Variants in THAP6 observed in about 807,000 individuals in gnomAD.
THAP6 encodes THAP domain-containing protein 6.
Under a neutral mutation model 20.0 loss-of-function variants are expected in THAP6, and 13 were observed. The observed-to-expected ratio is 0.65, with a 90% CI of 0.42 to 1.03. The LOEUF is 1.03. THAP6 is among the 50% of genes least tolerant of loss of function. The pLI, the probability that THAP6 is intolerant of heterozygous loss-of-function variation, is 0.00. For synonymous variants in THAP6, 93 were observed against 92.2 expected (o/e 1.01, Z -0.05); for missense variants, 262 against 261.6 (o/e 1.00, Z -0.01).
intron 2 of THAP6, chr4:75,542,382 C>T (rs1022003797): frequency 1.4e-5 from 10 of 699,722 alleles, no homozygotes; most frequent in African/African-American, 5.3e-5. Flanking sequence ...CATAAATCCT[C>T]GTATTTCTGC....
intron 4 of THAP6, among the ~76,000 whole-genome samples, chr4:75,525,018 T>G (rs1726277606): frequency 6.6e-6 from 1 of 152,124 alleles, no homozygotes; most frequent in Admixed American, 6.5e-5. Flanking sequence ...TCGGCCTCCC[T>G]AAGTGCTGGG....
At chr4:75,541,955 CAA>C (rs61213735) in intron 2 of THAP6, among the ~76,000 whole-genome samples, 86 of 102,274 alleles carry the variant, frequency 8.4e-4, no homozygotes, top group Non-Finnish European at 6.6e-4. Context: ...AGACTGTCTC[CAA>C]AAAAAAAAAA....
intron 2 of THAP6, among the ~76,000 whole-genome samples, chr4:75,535,753 C>G (rs1238137108): frequency 6.6e-6 from 1 of 152,000 alleles, no homozygotes; most frequent in East Asian, 1.9e-4. Context: ...CTTTTTGTAC[C>G]TTTTGCATTA....
Position 75,527,274 on chromosome 4 carries a change from C to G in THAP6, c.*60C>G. The G allele has an allele frequency of 6.4e-7, 1 of 1,561,330 alleles. No individual in the cohort carries two copies. The highest frequency in any genetic ancestry group is 8.7e-7 in the Non-Finnish European group (1 of 1,154,184). ...ATTGGTACAAATTTTTATAAAATCTCATTTACCATCACTAAATAATATCCA... is the reference window on the plus strand; with the variant it reads ...ATTGGTACAAATTTTTATAAAATCTGATTTACCATCACTAAATAATATCCA... On this transcript the variant is annotated 3_prime_UTR_variant, in exon 5 of 5. Transcript: ENST00000311638.
intron 3 of THAP6, among the ~76,000 whole-genome samples, chr4:75,543,668 T>G (rs1052284125): frequency 1.3e-5 from 2 of 152,086 alleles, no homozygotes; most frequent in African/African-American, 4.8e-5. Flanking sequence ...AGTAGAGAAA[T>G]GATGGTTTTC....
intron 3 of THAP6, 197 bp downstream of exon 3, chr4:75,517,176 C>A: frequency 2.0e-6 from 1 of 490,914 alleles, no homozygotes; most frequent in Non-Finnish European, 3.6e-6. Context: ...TGCCACCACA[C>A]CTGGCTAATT....
chr4:75,537,412 G>A (rs1171713582), intron 2 of THAP6, among the ~76,000 whole-genome samples: 1 of 152,098 alleles, frequency 6.6e-6, no homozygotes, highest in Non-Finnish European at 1.5e-5. Flanking sequence ...TCTCATGGTA[G>A]TGAATAAGTC....
downstream of THAP6, among the ~76,000 whole-genome samples, chr4:75,531,845 A>G (rs1447761587): frequency 6.6e-6 from 1 of 150,930 alleles, no homozygotes; most frequent in Admixed American, 6.6e-5. Flanking sequence ...CCAGAATGGC[A>G]TAGGAAAGAC....
In THAP6 at chr4:75,528,365, T is replaced by C; in HGVS notation, c.*1151T>C. 2.0e-6 allele frequency: 2 copies of C among 985,442 alleles called. No homozygotes were observed. Among genetic ancestry groups the C allele is most frequent in the Non-Finnish European group, 2.4e-6 (2 of 829,930 alleles). 61.0% of individuals were successfully genotyped at this position (985,442 alleles called of 1,614,324 possible). On this transcript the variant is annotated 3_prime_UTR_variant, in exon 5 of 5. Transcript: ENST00000311638. ...AACTGAAATTGAGAGTCATAAATAC[T>C]GTGGGTTAGAATAAAAACCATTTGC...
rs1726468390 is a variant in THAP6, at chr4:75,527,703, A to G, written c.*489A>G. The G allele has an allele frequency of 3.0e-6, 3 of 991,004 alleles. No individual in the cohort carries two copies. Among genetic ancestry groups the G allele is most frequent in the Non-Finnish European group, 3.6e-6 (3 of 833,176 alleles). The allele number at this position is 991,004 out of a possible 1,614,324, so 61.4% of individuals were successfully genotyped here. A position where few individuals can be genotyped will look rare whatever the true frequency, so the allele number is the denominator to read the frequency against. ...AATCCAAGGTGCTTTAGCTATCAGTAGTACCAAAGGATCTTTTTACAAGGC... is the reference window on the plus strand; with the variant it reads ...AATCCAAGGTGCTTTAGCTATCAGTGGTACCAAAGGATCTTTTTACAAGGC... On this transcript the variant is annotated 3_prime_UTR_variant, in exon 5 of 5. Coordinates refer to ENST00000311638, the MANE Select transcript of THAP6 (RefSeq NM_144721.6).
At chr4:75,516,660 A>T in intron 2 of THAP6, 112 bp from the exon 3 acceptor site, 1 of 810,532 alleles carries the variant, frequency 1.2e-6, no homozygotes, top group Non-Finnish European at 1.9e-6. Context: ...AATTCTCAAG[A>T]CTAATAAACT....
At chr4:75,536,840 T>C (rs28609645) in intron 2 of THAP6, among the ~76,000 whole-genome samples, 64,923 of 151,988 alleles carry the variant, frequency 0.43, 14,297 homozygotes, top group African/African-American at 0.51. Flanking sequence ...CCACAGCTAG[T>C]TTAAATACAA....
At chr4:75,534,287 A>C (rs561049912), downstream of THAP6, among the ~76,000 whole-genome samples, 1 of 152,288 alleles carries the variant, frequency 6.6e-6, no homozygotes, top group East Asian at 1.9e-4. Context: ...CCTTTGACAA[A>C]CCTGACAAAA....
chr4:75,514,146 C>A, upstream of THAP6: 1 of 1,577,962 alleles, frequency 6.3e-7, no homozygotes, highest in South Asian at 1.1e-5. Context: ...CAGCCCGCCC[C>A]AGCCCAACCT....
chr4:75,542,647 G>C, intron 3 of THAP6: 1 of 561,790 alleles, frequency 1.8e-6, no homozygotes, highest in Non-Finnish European at 3.2e-6. Flanking sequence ...CTGGTATAAC[G>C]ATGTCTTCAT....
intron 2 of THAP6, among the ~76,000 whole-genome samples, chr4:75,540,975 A>G (rs1168054927): frequency 6.6e-6 from 1 of 152,192 alleles, no homozygotes; most frequent in Non-Finnish European, 1.5e-5. Context: ...CATCATCTGG[A>G]CATATTTTGT....
At chr4:75,540,247 C>T (rs72647456) in intron 2 of THAP6, among the ~76,000 whole-genome samples, 2,602 of 152,268 alleles carry the variant, frequency 0.017, 36 homozygotes, top group Middle Eastern at 0.027. Flanking sequence ...ACAAAGCACA[C>T]CATTTAGCTC....
chr4:75,537,032 C>A (rs1318316830), intron 2 of THAP6, among the ~76,000 whole-genome samples: 3 of 151,998 alleles, frequency 2.0e-5, no homozygotes, highest in Admixed American at 2.0e-4. Context: ...TATTTATGCA[C>A]CTAATTAGAA....
In THAP6 at chr4:75,542,443, C is replaced by A. The variant is rs1226000325; in HGVS notation, c.200C>A (p.Ala67Glu). ...TTCAAGAGGAAATGTTTGTTCAAGG[C>A]AAAAAATTATTTCTCAGTAACCATC... Residue 67 changes from alanine (A) to glutamate (E), a missense_variant, in exon 3 of 5, where the codon GCA becomes GAA. Coordinates refer to the THAP6 transcript ENST00000502620. 4.3e-6 allele frequency: 3 copies of A among 701,916 alleles called. No individual in the cohort carries two copies. In the African/African-American group the frequency reaches 5.2e-5, roughly 12 times the overall value. 43.5% of individuals were successfully genotyped at this position (701,916 alleles called of 1,614,324 possible). A position where few individuals can be genotyped will look rare whatever the true frequency, so the allele number is the denominator to read the frequency against.
Sources: allele counts gnomAD v4.1 joint callset (sites outside exome capture counted in the v4.1 genomes callset), GRCh38; gene constraint gnomAD v4.1.1; transcripts MANE v1.5; gene names NCBI Gene and HGNC (gene_info 2026-07-23, HGNC 2026-07-21).